NYAP2: variants seen among roughly 807,000 people sequenced by gnomAD.
The protein encoded by NYAP2 is neuronal tyrosine-phosphorylated phosphoinositide-3-kinase adaptor 2, also known as neuronal tyrosine-phosphorylated phosphoinositide-3-kinase adapter 2.
In NYAP2, 23 loss-of-function variants were observed where a neutral mutation model predicts 50.4. The observed-to-expected ratio is 0.46, with a 90% CI of 0.33 to 0.65. The LOEUF is 0.65. Among genes scored for constraint, NYAP2 ranks in the 30% least tolerant of loss-of-function variants. NYAP2 has a pLI of 0.02. For missense variants in NYAP2, 885 were observed against 861.0 expected (o/e 1.03, Z -0.35); for synonymous variants, 394 against 365.2 (o/e 1.08, Z -0.90).
At chr2:225,571,561 T>C (rs1692074277) in intron 4 of NYAP2, among the ~76,000 whole-genome samples, 1 of 152,210 alleles carries the variant, frequency 6.6e-6, no homozygotes, top group Non-Finnish European at 1.5e-5. Flanking sequence ...GGCCGAGTTG[T>C]ACCTTGGCCC....
chr2:225,556,908 A>G (rs748137782), intron 4 of NYAP2, among the ~76,000 whole-genome samples: 2 of 152,194 alleles, frequency 1.3e-5, no homozygotes, highest in Non-Finnish European at 2.9e-5. Context: ...ATGCATGTCA[A>G]TATCTTTGGC....
At chr2:225,570,301 T>A (rs554757758) in intron 4 of NYAP2, among the ~76,000 whole-genome samples, 21 of 152,124 alleles carry the variant, frequency 1.4e-4, no homozygotes, top group African/African-American at 5.1e-4. Flanking sequence ...ATGTCTAGAG[T>A]AGACAAACTC....
intron 3 of NYAP2, among the ~76,000 whole-genome samples, chr2:225,513,081 T>A (rs1574652426): frequency 1.3e-5 from 2 of 152,296 alleles, no homozygotes; most frequent in South Asian, 4.1e-4. Flanking sequence ...GTCATAGTCA[T>A]GGAATTCTTG....
intron 4 of NYAP2, among the ~76,000 whole-genome samples, chr2:225,553,382 G>A (rs938522725): frequency 2.0e-5 from 3 of 152,218 alleles, no homozygotes; most frequent in African/African-American, 7.2e-5. Flanking sequence ...AGGTTGCAGA[G>A]TCCCAACTCC....
chr2:225,426,555 A>G (rs899219056), intron 3 of NYAP2, among the ~76,000 whole-genome samples: 3 of 152,198 alleles, frequency 2.0e-5, no homozygotes, highest in Non-Finnish European at 4.4e-5. Flanking sequence ...TAATGAATGA[A>G]TAGGAAGCTA....
At chr2:225,658,034 G>A (rs1328981584), downstream of NYAP2, among the ~76,000 whole-genome samples, 5 of 152,142 alleles carry the variant, frequency 3.3e-5, no homozygotes, top group East Asian at 7.7e-4. Context: ...GACCTGAACT[G>A]AGAACATGTT....
At chr2:225,451,382 A>T (rs940772055) in intron 3 of NYAP2, among the ~76,000 whole-genome samples, 18 of 152,224 alleles carry the variant, frequency 1.2e-4, no homozygotes, top group African/African-American at 4.3e-4. Context: ...TATCTGTAGG[A>T]ATGCAAATAT....
chr2:225,692,421 G>A, the NYAP2 span, among the ~76,000 whole-genome samples: 1 of 151,992 alleles, frequency 6.6e-6, no homozygotes, highest in African/African-American at 2.4e-5. Flanking sequence ...AGTAATTATT[G>A]AAGTGAACTA....
intron 3 of NYAP2, among the ~76,000 whole-genome samples, chr2:225,436,739 CAAA>C (rs755609110): frequency 9.1e-5 from 10 of 109,398 alleles, no homozygotes; most frequent in Admixed American, 1.0e-4. Context: ...TCTGTATAGT[CAAA>C]AAAAAAAAAA....
chr2:225,487,478 G>A (rs1452504534), intron 3 of NYAP2, among the ~76,000 whole-genome samples: 1 of 151,992 alleles, frequency 6.6e-6, no homozygotes, highest in African/African-American at 2.4e-5. Context: ...TCCTGCCTCA[G>A]CCTTGCGAGT....
intron 3 of NYAP2, among the ~76,000 whole-genome samples, chr2:225,476,337 C>T (rs1316723094): frequency 1.3e-5 from 2 of 150,838 alleles, no homozygotes; most frequent in African/African-American, 2.4e-5. Flanking sequence ...GGCGTGAACC[C>T]GGGAGGCGGA....
At chr2:225,467,711 C>T (rs113839438) in intron 3 of NYAP2, among the ~76,000 whole-genome samples, 78 of 152,202 alleles carry the variant, frequency 5.1e-4, no homozygotes, top group African/African-American at 1.8e-3. Flanking sequence ...CTCTGGGATA[C>T]AAAATAGGGT....
intron 4 of NYAP2, among the ~76,000 whole-genome samples, chr2:225,538,517 G>A (rs1159381017): frequency 6.6e-6 from 1 of 152,190 alleles, no homozygotes; most frequent in Non-Finnish European, 1.5e-5. Context: ...AGGCTTGAGT[G>A]GCTGGGATGC....
At chr2:225,504,839 C>T (rs184253643) in intron 3 of NYAP2, among the ~76,000 whole-genome samples, 16 of 152,136 alleles carry the variant, frequency 1.1e-4, no homozygotes, top group Admixed American at 8.5e-4. Flanking sequence ...GAAATCCCGT[C>T]TCTACTAAAA....
rs1695057358 is a variant in NYAP2 at position 225,412,283 on chromosome 2, A to ATTTTTTTTTTTT, written c.221+3182_221+3183insTTTTTTTTTTTT. On this transcript the variant is annotated intron_variant, in intron 3 of 6. Coordinates refer to ENST00000636099, the Ensembl canonical transcript of NYAP2. ...TTTTTTTTTTTTTTTTTTTTTTTTA[A>ATTTTTTTTTTTT]CAAAAATTTTGTTCCTGTAAGAAGG... 3.0e-4 allele frequency among the ~76,000 whole-genome samples: 7 copies of ATTTTTTTTTTTT among 23,442 alleles called. 1 individual carries two copies. The highest frequency in any genetic ancestry group is 3.2e-4 in the Non-Finnish European group (3 of 9,482). The allele number at this position is 23,442 out of a possible 152,430, so 15.4% of individuals were successfully genotyped here. A position where few individuals can be genotyped will look rare whatever the true frequency, so the allele number is the denominator to read the frequency against.
chr2:225,655,402 A>G (rs1263443786), downstream of NYAP2, among the ~76,000 whole-genome samples: 5 of 152,164 alleles, frequency 3.3e-5, no homozygotes, highest in South Asian at 1.0e-3. Context: ...ACGTTTCTGC[A>G]TTTACCTTCA....
At chr2:225,432,354 C>A (rs766328932) in intron 3 of NYAP2, among the ~76,000 whole-genome samples, 2 of 150,608 alleles carry the variant, frequency 1.3e-5, no homozygotes, top group Non-Finnish European at 3.0e-5. Context: ...ATTATATGTA[C>A]ATTTGTACTG....
chr2:225,643,002 A>G (rs1250466650), intron 6 of NYAP2, among the ~76,000 whole-genome samples: 1 of 152,248 alleles, frequency 6.6e-6, no homozygotes, highest in Non-Finnish European at 1.5e-5. Flanking sequence ...TACACAGACA[A>G]AAACAAAAAT....
At chr2:225,532,998 A>T (rs1299740986) in intron 4 of NYAP2, among the ~76,000 whole-genome samples, 1 of 152,168 alleles carries the variant, frequency 6.6e-6, no homozygotes, top group African/African-American at 2.4e-5. Flanking sequence ...ATGACAACCC[A>T]GTGTAGCCCA....
Sources: gnomAD v4.1 joint callset for allele counts (sites outside exome capture counted in the v4.1 genomes callset) on GRCh38, gnomAD v4.1.1 for gene constraint, MANE v1.5 for transcripts, NCBI Gene and HGNC (gene_info 2026-07-23, HGNC 2026-07-21) for gene names.